TAF1: variants seen among roughly 807,000 people sequenced by gnomAD.
TAF1 encodes transcription initiation factor TFIID subunit 1.
TAF1 carries 2 observed loss-of-function variants against 138.5 expected under a neutral mutation model. The observed-to-expected ratio is 0.01, with a 90% CI of 0.01 to 0.05. The LOEUF is 0.05. Among genes scored for constraint, TAF1 ranks in the 10% least tolerant of loss-of-function variants. The pLI is 1.00. For missense variants in TAF1, 709 were observed against 1,478.0 expected (o/e 0.48, Z 8.53); for synonymous variants, 437 against 503.2 (o/e 0.87, Z 1.76).
chrX:71,418,885 A>G (rs777594111), intron 28 of TAF1, among the ~76,000 whole-genome samples: 2 of 106,909 alleles, frequency 1.9e-5, no homozygotes, highest in Non-Finnish European at 3.8e-5. Flanking sequence ...CTCCTGCCTC[A>G]GCTTCCTGAG....
intron 13 of TAF1, among the ~76,000 whole-genome samples, chrX:71,507,532 A>G (rs1488926747): frequency 9.0e-6 from 1 of 111,710 alleles, no homozygotes; most frequent in Non-Finnish European, 1.9e-5. Context: ...GCTTGGCCAC[A>G]CCAATTTTTT....
chrX:71,452,685 G>T (rs1433255185), intron 32 of TAF1, among the ~76,000 whole-genome samples: 3 of 112,140 alleles, frequency 2.7e-5, no homozygotes, highest in Non-Finnish European at 3.8e-5. Flanking sequence ...CTGCAATCTT[G>T]GCACTTTGGG....
intron 8 of TAF1, 67 bp downstream of exon 8, chrX:71,379,098 A>T: frequency 1.4e-6 from 1 of 721,893 alleles, no homozygotes; most frequent in Non-Finnish European, 1.9e-6. Context: ...AAGTGGGCTC[A>T]GCTGTGATTT....
At chrX:71,503,364 A>G (rs1454741284) in intron 13 of TAF1, among the ~76,000 whole-genome samples, 7 of 93,891 alleles carry the variant, frequency 7.5e-5, no homozygotes, top group African/African-American at 2.8e-4. Flanking sequence ...ATATATATAC[A>G]CACACATTTA....
rs2036093656 is a variant in TAF1 at position 71,417,663 on chromosome X, C to T, written c.4385-3646C>T. Among the ~76,000 whole-genome samples the T allele has an allele frequency of 3.6e-5, 4 of 111,484 alleles. No individual in the cohort carries two copies. In the South Asian group the frequency reaches 1.1e-3, roughly 31 times the overall value. ...ACAGGCGTGAGCAACCACCCCCGGCCCCAGTAAGCAGATACAGTTGTTGTA... is the reference window on the plus strand; with the variant it reads ...ACAGGCGTGAGCAACCACCCCCGGCTCCAGTAAGCAGATACAGTTGTTGTA... On this transcript the variant is annotated intron_variant, in intron 28 of 37. Coordinates refer to ENST00000423759, the MANE Select transcript of TAF1 (RefSeq NM_004606.5).
intron 32 of TAF1, among the ~76,000 whole-genome samples, chrX:71,447,979 T>A (rs970363227): frequency 5.4e-5 from 6 of 111,904 alleles, no homozygotes; most frequent in Admixed American, 4.8e-4. Context: ...ACGTGACATG[T>A]AGAGTTGCTT....
intron 37 of TAF1, among the ~76,000 whole-genome samples, chrX:71,462,305 C>G (rs755645593): frequency 9.4e-6 from 1 of 106,549 alleles, no homozygotes; most frequent in Non-Finnish European, 2.0e-5. Context: ...CAGCCGGGCG[C>G]GGTGGCTCAT....
intron 32 of TAF1, among the ~76,000 whole-genome samples, chrX:71,447,605 G>T (rs2037753419): frequency 9.2e-6 from 1 of 109,041 alleles, no homozygotes; most frequent in African/African-American, 3.3e-5. Context: ...GCTGAGGCAG[G>T]AGAAGTACTT....
chrX:71,402,789 CT>C (rs1024866998), intron 25 of TAF1, among the ~76,000 whole-genome samples: 1 of 110,934 alleles, frequency 9.0e-6, no homozygotes, highest in African/African-American at 3.3e-5. Context: ...ATACCTAAAA[CT>C]TTTTTTTCCT....
rs750485853 is a variant in TAF1 at position 71,458,254 on chromosome X, A to T, written c.4952A>T (p.Tyr1651Phe). Residue 1651 changes from tyrosine to phenylalanine, a missense_variant, in exon 35 of 38, where the codon TAT (tyrosine) becomes TTT (phenylalanine). Around this residue, in one of 14 missense-constraint regions of TAF1, gnomAD observed 123 missense variants for 174.7 expected, o/e 0.70. Coordinates refer to ENST00000423759, the MANE Select transcript of TAF1 (RefSeq NM_004606.5). ...GPYTPQPPDLYDTNTSLSMSR... is the reference protein window; with the variant it reads ...GPYTPQPPDLFDTNTSLSMSR... ...TTTGTGCCACAGCCTCCTGATTTGT[A>T]TGATACCAACACATCCCTCAGTATG... The T allele has an allele frequency of 8.3e-7, 1 of 1,209,987 alleles. No homozygotes were observed. The highest frequency in any genetic ancestry group is 2.2e-5 in the Admixed American group (1 of 45,722).
In TAF1 at chrX:71,465,433, G is replaced by A. The variant is rs2038720858; in HGVS notation, c.*1387G>A. 2 of 112,010 alleles carry A rather than the reference G, an allele frequency of 1.8e-5. No homozygotes were observed. Among genetic ancestry groups the A allele is most frequent in the African/African-American group, 6.5e-5 (2 of 30,843 alleles). 9.2% of individuals were successfully genotyped at this position (112,010 alleles called of 1,213,427 possible). On this transcript the variant is annotated 3_prime_UTR_variant, in exon 38 of 38. Transcript: ENST00000423759. ...CCAGATGGAAAAGTCCAGGCAAAGT[G>A]TAACATGAATGGGAAAGGCCACAGT...
At chrX:71,432,103 G>T (rs1405588175) in intron 32 of TAF1, among the ~76,000 whole-genome samples, 1 of 110,763 alleles carries the variant, frequency 9.0e-6, no homozygotes, top group Non-Finnish European at 1.9e-5. Context: ...GAAGTGGTAG[G>T]ATAAAAAGCC....
In TAF1 at chrX:71,367,584, G is replaced by C. The variant is rs1032807405; in HGVS notation, c.206G>C (p.Gly69Ala). 8.3e-7 allele frequency: 1 copy of C among 1,209,756 alleles called. No individual in the cohort carries two copies. Residue 69 changes from glycine to alanine, a missense_variant, in exon 2 of 38, where the codon GGG becomes GCG. Physicochemically the swap from Gly to Ala is moderately conservative, Grantham distance 60. Transcript: ENST00000423759. Reference sequence around the variant, plus strand: ...CTCACGGCAAATGAAGAATTGACCGGGACTGACGGTGCCTTGGTAAATGAT... The same window carrying C: ...CTCACGGCAAATGAAGAATTGACCGCGACTGACGGTGCCTTGGTAAATGAT... ...TELTANEELT[G>A]TDGALVNDEG...
At chrX:71,424,867 C>T (rs962389625) in intron 32 of TAF1, among the ~76,000 whole-genome samples, 2 of 111,947 alleles carry the variant, frequency 1.8e-5, no homozygotes, top group African/African-American at 6.5e-5. Context: ...TCAGGTGATC[C>T]ACCTGCCTCA....
At chrX:71,430,410 C>T (rs926470352) in intron 32 of TAF1, among the ~76,000 whole-genome samples, 2 of 105,023 alleles carry the variant, frequency 1.9e-5, no homozygotes, top group East Asian at 5.8e-4. Flanking sequence ...AAAAAAGGCA[C>T]ATCTATATGA....
At chrX:71,476,704 T>C (rs1220646992) in intron 13 of TAF1, among the ~76,000 whole-genome samples, 1 of 109,269 alleles carries the variant, frequency 9.2e-6, no homozygotes, top group Non-Finnish European at 1.9e-5. Context: ...GAGTTTGGGA[T>C]TGGCACAGGA....
chrX:71,405,757 A>G (rs2035433771), intron 25 of TAF1, among the ~76,000 whole-genome samples: 2 of 112,242 alleles, frequency 1.8e-5, no homozygotes, highest in African/African-American at 6.5e-5. Flanking sequence ...CTATAATCCC[A>G]GCACTTTGGG....
chrX:71,453,680 CATTAT>C (rs1347723946), intron 32 of TAF1, among the ~76,000 whole-genome samples: 10 of 110,205 alleles, frequency 9.1e-5, no homozygotes, highest in African/African-American at 3.3e-4. Flanking sequence ...ATGTATCCAC[CATTAT>C]ATTATCAGAC....
chrX:71,392,208 T>C (rs1284094947), intron 18 of TAF1, among the ~76,000 whole-genome samples: 1 of 111,910 alleles, frequency 8.9e-6, no homozygotes, highest in African/African-American at 3.2e-5. Flanking sequence ...TAGTCTAATT[T>C]TGAGCATCAT....
Sources: gnomAD v4.1 joint callset for allele counts (sites outside exome capture counted in the v4.1 genomes callset) on GRCh38, gnomAD v4.1.1 for gene constraint, gnomAD v4.1.1 regional missense constraint, MANE v1.5 for transcripts, NCBI Gene and HGNC (gene_info 2026-07-23, HGNC 2026-07-21) for gene names.